The following OCIAD2 variants were observed in gnomAD, a reference collection of about 807,000 sequenced individuals.
The protein encoded by OCIAD2 is OCIA domain-containing protein 2.
OCIAD2 carries 29 observed loss-of-function variants against 22.9 expected under a neutral mutation model. The observed-to-expected ratio is 1.27, with a 90% CI of 0.94 to 1.73. OCIAD2 has a LOEUF of 1.73. Ranked by LOEUF, OCIAD2 falls within the 40% of genes most tolerant of loss-of-function variation. OCIAD2 has a pLI of 0.00. For missense variants in OCIAD2, 189 were observed against 180.3 expected, an observed-to-expected ratio of 1.05 and a Z score of -0.28; for synonymous variants, 67 against 60.2, an observed-to-expected ratio of 1.11 and a Z score of -0.52.
Position 48,899,505 on chromosome 4 carries a change from G to A in OCIAD2, c.163+324C>T, listed in dbSNP as rs372890123. Among the ~76,000 whole-genome samples, 7 of 152,142 alleles carry A rather than the reference G, an allele frequency of 4.6e-5. No homozygotes were observed. The East Asian group carries it at 9.6e-4, about 21-fold the overall frequency. On this transcript the variant is annotated intron_variant, in intron 3 of 6. Transcript: ENST00000508632. ...CTGAACCCTATGAAACTTAGAGTCT[G>A]GTAGAATGTAGGAAGGTCCACTCTT...
intron 6 of OCIAD2, among the ~76,000 whole-genome samples, chr4:48,887,652 T>C (rs1018624804): frequency 5.3e-5 from 8 of 152,206 alleles, no homozygotes; most frequent in African/African-American, 7.2e-5. Flanking sequence ...GTTGTAGATA[T>C]GCGGCATTAT....
intron 2 of OCIAD2, among the ~76,000 whole-genome samples, chr4:48,903,925 G>A (rs1781471561): frequency 6.6e-6 from 1 of 151,738 alleles, no homozygotes; most frequent in Non-Finnish European, 1.5e-5. Context: ...GATTACAGGC[G>A]TGAGCCACCG....
intron 1 of OCIAD2, among the ~76,000 whole-genome samples, chr4:48,905,323 G>A (rs956786699): frequency 3.5e-4 from 53 of 152,008 alleles, no homozygotes; most frequent in African/African-American, 1.2e-3. Flanking sequence ...TGCCATCATA[G>A]AGATGAGAGT....
At chr4:48,898,624 C>A (rs1285513361) in intron 3 of OCIAD2, among the ~76,000 whole-genome samples, 2 of 152,152 alleles carry the variant, frequency 1.3e-5, no homozygotes, top group Non-Finnish European at 2.9e-5. Context: ...CTCCTATGTG[C>A]TTTAGTCTAG....
intron 6 of OCIAD2, 112 bp from the exon 7 acceptor site, chr4:48,885,677 G>T: frequency 9.3e-6 from 6 of 646,640 alleles, no homozygotes; most frequent in Non-Finnish European, 8.2e-6. Flanking sequence ...ATAGAGATGT[G>T]GGGGGAGTCT....
chr4:48,900,322 G>A (rs981641278), intron 2 of OCIAD2, among the ~76,000 whole-genome samples: 17 of 152,128 alleles, frequency 1.1e-4, no homozygotes, highest in Non-Finnish European at 2.4e-4. Flanking sequence ...ATTGTCTCCT[G>A]GGTGAGGAAA....
At chr4:48,900,397 T>C (rs1781390198) in intron 2 of OCIAD2, among the ~76,000 whole-genome samples, 1 of 152,160 alleles carries the variant, frequency 6.6e-6, no homozygotes, top group Non-Finnish European at 1.5e-5. Flanking sequence ...TATGTATATA[T>C]GCACTTCTGT....
intron 6 of OCIAD2, among the ~76,000 whole-genome samples, chr4:48,889,350 C>A (rs1250509387): frequency 6.6e-6 from 1 of 150,794 alleles, no homozygotes; most frequent in African/African-American, 2.4e-5. Flanking sequence ...AAAATTTTTA[C>A]AATCTACACA....
intron 6 of OCIAD2, among the ~76,000 whole-genome samples, chr4:48,887,161 A>G (rs201784700): frequency 1.3e-5 from 2 of 152,106 alleles, no homozygotes; most frequent in African/African-American, 4.8e-5. Context: ...GTCTGTTCAT[A>G]TCCTTTGCCC....
At chr4:48,901,813 G>A (rs1781424419) in intron 2 of OCIAD2, among the ~76,000 whole-genome samples, 1 of 152,104 alleles carries the variant, frequency 6.6e-6, no homozygotes, top group Non-Finnish European at 1.5e-5. Context: ...TGCCATCATA[G>A]CTCACTGCAG....
chr4:48,904,458 A>G (rs753414862), intron 2 of OCIAD2, 26 bp downstream of exon 2: 1 of 1,598,440 alleles, frequency 6.3e-7, no homozygotes, highest in East Asian at 2.2e-5. Context: ...CAATCAATGA[A>G]TCGATCAATA....
intron 6 of OCIAD2, among the ~76,000 whole-genome samples, chr4:48,889,286 C>T (rs1204600911): frequency 6.6e-6 from 1 of 152,112 alleles, no homozygotes; most frequent in Admixed American, 6.6e-5. Flanking sequence ...TTTCAAAAAA[C>T]CAGTTCCTGG....
At chr4:48,903,041 A>G (rs1781448844) in intron 2 of OCIAD2, among the ~76,000 whole-genome samples, 1 of 152,196 alleles carries the variant, frequency 6.6e-6, no homozygotes, top group Non-Finnish European at 1.5e-5. Context: ...AGGTGTCCAA[A>G]TAATTCTCCT....
chr4:48,892,666 T>A, intron 6 of OCIAD2, 106 bp downstream of exon 6: 1 of 578,520 alleles, frequency 1.7e-6, no homozygotes, highest in Non-Finnish European at 2.9e-6. Context: ...AAACTTTTTT[T>A]ACATGTGAAT....
At chr4:48,897,357 T>C (rs1781325847) in intron 4 of OCIAD2, 1 of 168,372 alleles carries the variant, frequency 5.9e-6, no homozygotes, top group African/African-American at 2.4e-5. Flanking sequence ...GTTTCTTGCC[T>C]TTCTAGCTTC....
chr4:48,894,219 G>A (rs557039053), intron 4 of OCIAD2, among the ~76,000 whole-genome samples, 166 bp from the exon 5 acceptor site: 7 of 152,194 alleles, frequency 4.6e-5, no homozygotes, highest in East Asian at 1.9e-4. Flanking sequence ...TTGGCTGGGC[G>A]CAGTCACTTA....
At chr4:48,890,506 C>T (rs936817479) in intron 6 of OCIAD2, among the ~76,000 whole-genome samples, 1 of 152,092 alleles carries the variant, frequency 6.6e-6, no homozygotes, top group Non-Finnish European at 1.5e-5. Context: ...CACATATGTG[C>T]ACATATATAT....
intron 5 of OCIAD2, 91 bp from the exon 6 acceptor site, chr4:48,892,980 T>G: frequency 1.5e-6 from 1 of 679,794 alleles, no homozygotes; most frequent in Non-Finnish European, 2.6e-6. Flanking sequence ...AATTTTAAAA[T>G]TAAAAGGACC....
intron 6 of OCIAD2, among the ~76,000 whole-genome samples, chr4:48,885,908 G>A (rs1032592764): frequency 1.1e-4 from 17 of 152,162 alleles, no homozygotes; most frequent in African/African-American, 3.9e-4. Context: ...TTCTTTTGCT[G>A]TGCAGAAGCT....
Sources: allele counts gnomAD v4.1 joint callset (sites outside exome capture counted in the v4.1 genomes callset), GRCh38; gene constraint gnomAD v4.1.1; transcripts MANE v1.5; gene names NCBI Gene and HGNC (gene_info 2026-07-23, HGNC 2026-07-21).